UBE2E2: variants seen among roughly 807,000 people sequenced by gnomAD.
UBE2E2 encodes the protein ubiquitin-conjugating enzyme E2 E2.
Under a neutral mutation model 24.7 loss-of-function variants are expected in UBE2E2, and 6 were observed. The observed-to-expected ratio is 0.24, with a 90% confidence interval of 0.13 to 0.48. UBE2E2 has a LOEUF of 0.48. Ranked by LOEUF, UBE2E2 falls within the 20% of genes least tolerant of loss-of-function variation. The pLI, the probability that UBE2E2 is intolerant of heterozygous loss-of-function variation, is 0.99. For missense variants in UBE2E2, 169 were observed against 245.0 expected (o/e 0.69, Z 2.07); for synonymous variants, 104 against 83.6 (o/e 1.24, Z -1.33).
intron 3 of UBE2E2, among the ~76,000 whole-genome samples, chr3:23,370,010 G>A (rs1696363267): frequency 6.6e-6 from 1 of 152,174 alleles, no homozygotes; most frequent in Non-Finnish European, 1.5e-5. Flanking sequence ...AATGGAAAAT[G>A]TAAGTTCTCC....
intron 3 of UBE2E2, among the ~76,000 whole-genome samples, chr3:23,256,319 T>C (rs1697719776): frequency 1.3e-5 from 2 of 152,210 alleles, no homozygotes; most frequent in African/African-American, 4.8e-5. Context: ...CATTTGTACA[T>C]CTAAGTAAAA....
At chr3:23,273,392 G>A (rs1293166146) in intron 3 of UBE2E2, among the ~76,000 whole-genome samples, 1 of 152,134 alleles carries the variant, frequency 6.6e-6, no homozygotes, top group Non-Finnish European at 1.5e-5. Context: ...TTAGCCGGGC[G>A]TGATGGCGGA....
intron 4 of UBE2E2, among the ~76,000 whole-genome samples, chr3:23,505,072 ATTTTTGT>A (rs1437042919): frequency 1.0e-5 from 1 of 99,500 alleles, no homozygotes; most frequent in African/African-American, 4.6e-5. Context: ...CACCTGGCTA[ATTTTTGT>A]TTTTTTTTTT....
intron 3 of UBE2E2, among the ~76,000 whole-genome samples, chr3:23,269,670 A>C (rs1698178019): frequency 6.6e-6 from 1 of 152,238 alleles, no homozygotes; most frequent in African/African-American, 2.4e-5. Flanking sequence ...TTTAGTAGAT[A>C]GTTGAGTTGG....
intron 3 of UBE2E2, among the ~76,000 whole-genome samples, chr3:23,424,966 G>C (rs944855639): frequency 6.6e-6 from 1 of 152,184 alleles, no homozygotes; most frequent in South Asian, 2.1e-4. Flanking sequence ...ACTTTACCAT[G>C]TTTTAAACAT....
chr3:23,572,136 G>C (rs906388320), intron 5 of UBE2E2, among the ~76,000 whole-genome samples: 5 of 152,112 alleles, frequency 3.3e-5, no homozygotes, highest in African/African-American at 1.2e-4. Context: ...GATCTAGTTT[G>C]ATAATGTCCA....
At chr3:23,553,339 A>G (rs974933886) in intron 5 of UBE2E2, among the ~76,000 whole-genome samples, 2 of 152,156 alleles carry the variant, frequency 1.3e-5, no homozygotes, top group Admixed American at 1.3e-4. Flanking sequence ...TCAAAGAAGC[A>G]TAACTTGTGA....
intron 3 of UBE2E2, among the ~76,000 whole-genome samples, chr3:23,386,286 C>A (rs1003892463): frequency 1.3e-5 from 2 of 152,074 alleles, no homozygotes; most frequent in African/African-American, 4.8e-5. Flanking sequence ...TAGAACAGCA[C>A]CCTCTCCGTG....
rs1306207002 is a variant in UBE2E2 at position 23,583,720 on chromosome 3, T to C, written c.509-6014T>C. 2.0e-5 allele frequency among the ~76,000 whole-genome samples: 3 copies of C among 152,222 alleles called. No homozygotes were observed. The highest frequency in any genetic ancestry group is 4.4e-5 in the Non-Finnish European group (3 of 68,036). On this transcript the variant is annotated intron_variant, in intron 5 of 5. Transcript: ENST00000396703. This position sits in a 1 kb window ranked among gnomAD's most constrained non-coding sequence, Gnocchi z 4.1. ...TTCTTGTTTTGGCTCTCAGCCTGTA[T>C]GGTGTTGATGCATAGAAATGCTACT...
chr3:23,337,650 T>G (rs1014724833), intron 3 of UBE2E2, among the ~76,000 whole-genome samples: 1 of 152,024 alleles, frequency 6.6e-6, no homozygotes, highest in Non-Finnish European at 1.5e-5. Flanking sequence ...AAGGCGGGGA[T>G]GTAGGGAGAA....
At chr3:23,457,704 T>C (rs1225682720) in intron 3 of UBE2E2, among the ~76,000 whole-genome samples, 1 of 152,202 alleles carries the variant, frequency 6.6e-6, no homozygotes, top group Non-Finnish European at 1.5e-5. Flanking sequence ...TATGTAGAGA[T>C]GGGATCTCCC....
intron 3 of UBE2E2, among the ~76,000 whole-genome samples, chr3:23,268,406 C>T (rs916493274): frequency 6.6e-6 from 1 of 152,036 alleles, no homozygotes; most frequent in Non-Finnish European, 1.5e-5. Context: ...TTCTTATACA[C>T]CAGTAACAGA....
chr3:23,570,319 A>G (rs1208685373), intron 5 of UBE2E2, among the ~76,000 whole-genome samples: 1 of 152,090 alleles, frequency 6.6e-6, no homozygotes, highest in Non-Finnish European at 1.5e-5. Context: ...ATGCTTCTTC[A>G]CATTGGGTAA....
chr3:23,306,063 G>T lies in UBE2E2; in HGVS notation c.227+88751G>T, dbSNP rs1193022452. ...TAGATGAACCTTTACAAGTTAAGTG[G>T]TAGATAAAAAAGGAAGAGACTGAAA... On this transcript the variant is annotated intron_variant, in intron 3 of 5. Transcript: ENST00000396703. Among the ~76,000 whole-genome samples the T allele has an allele frequency of 3.3e-5, 5 of 152,090 alleles. No homozygotes were observed. In the South Asian group the frequency reaches 1.0e-3, roughly 32 times the overall value.
chr3:23,354,186 G>A (rs546782926), intron 3 of UBE2E2, among the ~76,000 whole-genome samples: 29 of 152,174 alleles, frequency 1.9e-4, no homozygotes, highest in African/African-American at 7.0e-4. Flanking sequence ...CTAGCCATAT[G>A]TAGAAAGCTG....
chr3:23,379,409 A>T (rs1696607558), intron 3 of UBE2E2, among the ~76,000 whole-genome samples: 2 of 99,486 alleles, frequency 2.0e-5, no homozygotes, highest in Non-Finnish European at 3.9e-5. Context: ...CCGACCCCAC[A>T]ACAGTCCCCA....
chr3:23,568,698 T>TGTATACATATATACACAC (rs1696145400), intron 5 of UBE2E2, among the ~76,000 whole-genome samples: 1 of 59,472 alleles, frequency 1.7e-5, no homozygotes, highest in East Asian at 6.0e-4. Flanking sequence ...TATACACACA[T>TGTATACATATATACACAC]ATATATATAC....
At position 23,321,769 on chromosome 3, in the gene UBE2E2, T is replaced by G. The variant is rs74484601; in HGVS notation, c.227+104457T>G. Among the ~76,000 whole-genome samples the G allele has an allele frequency of 4.3e-3, 658 of 151,682 alleles. 1 individual carries two copies. The highest frequency in any genetic ancestry group is 7.3e-3 in the Non-Finnish European group (499 of 67,942). On this transcript the variant is annotated intron_variant, in intron 3 of 5. Transcript: ENST00000396703. ...GATCAATCTCCAGAGACTGAATCAT[T>G]GTCTTTGCTAATTTTTGCTGGTTTA...
At chr3:23,328,151 A>G (rs572994180) in intron 3 of UBE2E2, among the ~76,000 whole-genome samples, 1 of 152,328 alleles carries the variant, frequency 6.6e-6, no homozygotes, top group East Asian at 1.9e-4. Context: ...ATTTGCGACA[A>G]TAAAAAAGAA....
Sources: allele counts gnomAD v4.1 joint callset (sites outside exome capture counted in the v4.1 genomes callset), GRCh38; gene constraint gnomAD v4.1.1; non-coding constraint Gnocchi (gnomAD v3.1); transcripts MANE v1.5; gene names NCBI Gene and HGNC (gene_info 2026-07-23, HGNC 2026-07-21).